Variants in TRAPPC12 observed in about 807,000 individuals in gnomAD.
TRAPPC12 encodes trafficking protein particle complex subunit 12.
A neutral mutation model predicts 69.2 loss-of-function variants in TRAPPC12; 61 were observed. The ratio of observed to expected loss-of-function variants is 0.88; its 90% confidence interval spans 0.72 to 1.09. TRAPPC12 has a LOEUF of 1.09. Among genes scored for constraint, TRAPPC12 ranks in the 50% least tolerant of loss-of-function variants. TRAPPC12 has a pLI of 0.00. For synonymous variants in TRAPPC12, 469 were observed against 438.9 expected (o/e 1.07, Z -0.86); for missense variants, 1,101 against 1,016.4 (o/e 1.08, Z -1.13).
chr2:3,433,197 T>G (rs1224684228), intron 5 of TRAPPC12, among the ~76,000 whole-genome samples: 1 of 152,162 alleles, frequency 6.6e-6, no homozygotes, highest in African/African-American at 2.4e-5. Context: ...TGGCTTATCC[T>G]GCCTGCTGAG....
rs764090427 is a variant in TRAPPC12, at chr2:3,460,273, G to T, written c.1614G>T (p.Arg538=). 3 of 873,782 alleles carry T rather than the reference G, an allele frequency of 3.4e-6. No individual in the cohort carries two copies. The highest frequency in any genetic ancestry group is 1.3e-5 in the South Asian group (1 of 76,568). 54.1% of individuals were successfully genotyped at this position (873,782 alleles called of 1,614,324 possible). A position where few individuals can be genotyped will look rare whatever the true frequency, so the allele number is the denominator to read the frequency against. ...VTQEGRQASI[R]LWRSRLGRVM... is the part of the protein sequence containing the mutation. Reference sequence around the variant, plus strand: ...GCTCTTACCTTGTAGCCTCTATCCGGCTGTGGAGGTCACGTCTGGGCCGGG... The same window carrying T: ...GCTCTTACCTTGTAGCCTCTATCCGTCTGTGGAGGTCACGTCTGGGCCGGG... The change falls in exon 8 of 12, where the codon CGG becomes CGT. Residue 538 remains arginine (R), a synonymous_variant. Transcript: ENST00000324266.
intron 8 of TRAPPC12, among the ~76,000 whole-genome samples, chr2:3,463,498 A>AGAGCC (rs148729784): frequency 0.027 from 4,056 of 151,288 alleles, 173 homozygotes; most frequent in African/African-American, 0.093. Flanking sequence ...CTCTTTGGGA[A>AGAGCC]GAGCCATGCC....
intron 8 of TRAPPC12, among the ~76,000 whole-genome samples, chr2:3,464,124 TCA>T (rs369252905): frequency 2.3e-4 from 35 of 151,778 alleles, no homozygotes; most frequent in African/African-American, 8.0e-4. Context: ...GTGAGGGAGC[TCA>T]CACACACACG....
chr2:3,466,490 C>T, intron 9 of TRAPPC12: 1 of 430,094 alleles, frequency 2.3e-6, no homozygotes, highest in South Asian at 1.7e-5. Context: ...TGATATCCAG[C>T]TACAGGAGGC....
At chr2:3,473,511 GCT>G (rs1379449017) in intron 9 of TRAPPC12, among the ~76,000 whole-genome samples, 4 of 152,150 alleles carry the variant, frequency 2.6e-5, no homozygotes, top group Non-Finnish European at 5.9e-5. Flanking sequence ...ACGAGGCCTC[GCT>G]CTGTCACCCA....
chr2:3,466,639 C>T (rs1665825694), intron 9 of TRAPPC12, among the ~76,000 whole-genome samples: 2 of 152,224 alleles, frequency 1.3e-5, no homozygotes. Context: ...CACGTGCACA[C>T]ACCATCTCCT....
At chr2:3,468,898 G>A (rs1418165939) in intron 9 of TRAPPC12, among the ~76,000 whole-genome samples, 1 of 152,186 alleles carries the variant, frequency 6.6e-6, no homozygotes, top group South Asian at 2.1e-4. Flanking sequence ...GATTGCAGTC[G>A]ATGAGAGGTC....
intron 2 of TRAPPC12, among the ~76,000 whole-genome samples, chr2:3,400,656 C>G (rs1039901615): frequency 1.3e-5 from 2 of 152,202 alleles, no homozygotes; most frequent in Non-Finnish European, 2.9e-5. Context: ...CCTTTACTTA[C>G]CCTGGACTCT....
rs111556571 is a variant in TRAPPC12, at chr2:3,465,678, G to A, written c.1759G>A (p.Gly587Ser). The A allele has an allele frequency of 7.4e-4, 1,194 of 1,614,094 alleles. 1 individual carries two copies. The highest frequency in any genetic ancestry group is 7.0e-4 in the Non-Finnish European group (823 of 1,179,950). Residue 587 changes from glycine to serine, a missense_variant, in exon 9 of 12, where the codon GGC becomes AGC. Gly to Ser is a moderately conservative substitution (Grantham distance 56, BLOSUM62 0). Transcript: ENST00000324266. The stretch of plus-strand genomic sequence containing the variant: ...AGAGCCCCAGCTGCTCAGCGGCATC[G>A]GCCGGATTTCCCTGCAGGTACCTGT... ...EQEPQLLSGI[G>S]RISLQIGDIK...
rs557371533 is a variant in TRAPPC12, at chr2:3,444,276, G to A, written c.1530+385G>A. On this transcript the variant is annotated intron_variant, in intron 6 of 11. Coordinates refer to ENST00000324266, the MANE Select transcript of TRAPPC12 (RefSeq NM_016030.6). ...CAGACAGAGGTACCGGAGCAGTACT[G>A]AAAGCAATCATGGTTTAAGCTTTCA... Among the ~76,000 whole-genome samples the A allele has an allele frequency of 6.5e-4, 99 of 152,354 alleles. 1 individual carries two copies. The highest frequency in any genetic ancestry group is 2.3e-3 in the African/African-American group (94 of 41,588).
At chr2:3,479,194 A>AC in intron 11 of TRAPPC12, 25 bp from the exon 12 acceptor site, 1 of 1,605,970 alleles carries the variant, frequency 6.2e-7, no homozygotes, top group Non-Finnish European at 8.5e-7. Context: ...GTGTGGGCCA[A>AC]CCCTGGGCGT....
intron 5 of TRAPPC12, among the ~76,000 whole-genome samples, chr2:3,429,320 C>T (rs1287304047): frequency 1.3e-5 from 2 of 152,138 alleles, no homozygotes; most frequent in African/African-American, 4.8e-5. Flanking sequence ...TTCAGAGGAT[C>T]GGCGTTGGTC....
At chr2:3,462,721 C>G in intron 8 of TRAPPC12, 1 of 342,640 alleles carries the variant, frequency 2.9e-6, no homozygotes, top group East Asian at 8.0e-5. Flanking sequence ...TTCTTCCTCT[C>G]CTTAGGCCTC....
At chr2:3,441,403 T>G (rs1242435925) in intron 5 of TRAPPC12, among the ~76,000 whole-genome samples, 2 of 152,130 alleles carry the variant, frequency 1.3e-5, no homozygotes, top group African/African-American at 4.8e-5. Flanking sequence ...ATTCCTTTAC[T>G]ATTCTTTTAC....
In TRAPPC12 at chr2:3,388,679, G is replaced by A. The variant is rs1486808332; in HGVS notation, c.1047+9G>A. 2.6e-6 allele frequency: 4 copies of A among 1,531,360 alleles called. No individual in the cohort carries two copies. Among genetic ancestry groups the A allele is most frequent in the African/African-American group, 2.7e-5 (2 of 73,176 alleles). 94.9% of individuals were successfully genotyped at this position (1,531,360 alleles called of 1,614,324 possible). A position where few individuals can be genotyped will look rare whatever the true frequency, so the allele number is the denominator to read the frequency against. ...GGTTCGACAACATCCAGGTGAGCCCGGGTCTCCCACCTCCGCAGCCCGTGC... is the reference window on the plus strand; with the variant it reads ...GGTTCGACAACATCCAGGTGAGCCCAGGTCTCCCACCTCCGCAGCCCGTGC... On this transcript the variant is annotated intron_variant, in intron 2 of 11. Transcript: ENST00000324266.
intron 5 of TRAPPC12, among the ~76,000 whole-genome samples, chr2:3,426,221 G>C (rs1663093214): frequency 1.3e-5 from 2 of 152,170 alleles, no homozygotes; most frequent in Non-Finnish European, 2.9e-5. Context: ...AAATGGGAAG[G>C]GTAACTTTTA....
At chr2:3,395,257 T>G (rs73145207) in intron 2 of TRAPPC12, among the ~76,000 whole-genome samples, 2,219 of 152,340 alleles carry the variant, frequency 0.015, 59 homozygotes, top group African/African-American at 0.05. Flanking sequence ...ATCTCATGTA[T>G]TAATCCTTTG....
At chr2:3,393,009 C>G (rs1660908722) in intron 2 of TRAPPC12, among the ~76,000 whole-genome samples, 1 of 152,116 alleles carries the variant, frequency 6.6e-6, no homozygotes, top group Non-Finnish European at 1.5e-5. Context: ...TCTCAGGAGG[C>G]TGAGGCAGGA....
intron 6 of TRAPPC12, among the ~76,000 whole-genome samples, chr2:3,446,220 A>G (rs1205641204): frequency 6.6e-6 from 1 of 152,212 alleles, no homozygotes; most frequent in African/African-American, 2.4e-5. Context: ...TTTCCATGGC[A>G]TGATCCAAAT....
Sources: allele counts gnomAD v4.1 joint callset (sites outside exome capture counted in the v4.1 genomes callset), GRCh38; gene constraint gnomAD v4.1.1; transcripts MANE v1.5; gene names NCBI Gene and HGNC (gene_info 2026-07-23, HGNC 2026-07-21).